Variants in ART4 observed in about 807,000 individuals in gnomAD.
The protein encoded by ART4 is ADP-ribosyltransferase 4 (inactive) (Dombrock blood group), also known as ecto-ADP-ribosyltransferase 4.
Under a neutral mutation model 24.2 loss-of-function variants are expected in ART4, and 14 were observed. The observed-to-expected ratio is 0.58, with a 90% CI of 0.38 to 0.90. The LOEUF is 0.90. Ranked by LOEUF, ART4 falls within the 40% of genes least tolerant of loss-of-function variation. The probability of loss-of-function intolerance (pLI) is 0.00; values close to 1 mark genes in which losing one functional copy is unlikely to be tolerated. For missense variants in ART4, 356 were observed against 366.6 expected (o/e 0.97, Z 0.24); for synonymous variants, 145 against 139.9 (o/e 1.04, Z -0.26).
rs778473903 is a variant in ART4, at chr12:14,840,670, T to C, written c.628A>G (p.Thr210Ala). Residue 210 changes from threonine to alanine, a missense_variant, in exon 2 of 3, where the codon ACA (threonine) becomes GCA (alanine). Thr to Ala is a moderately conservative substitution (Grantham distance 58). Coordinates refer to ENST00000228936, the MANE Select transcript of ART4 (RefSeq NM_021071.4). Reference sequence around the variant, plus strand: ...TGTGCCTCTTCTTTCAGGAGGGATGTGGAGAGGAATTGGCCAAATCGAATG... The same window carrying C: ...TGTGCCTCTTCTTTCAGGAGGGATGCGGAGAGGAATTGGCCAAATCGAATG... ...ATIRFGQFLS[T>A]SLLKEEAQEF... is the part of the protein sequence containing the mutation. The C allele has an allele frequency of 1.1e-5, 17 of 1,613,996 alleles. No homozygotes were observed. The highest frequency in any genetic ancestry group is 1.4e-5 in the Non-Finnish European group (17 of 1,180,012).
At chr12:14,832,758 T>C (rs1008415045) in intron 2 of ART4, among the ~76,000 whole-genome samples, 5 of 152,212 alleles carry the variant, frequency 3.3e-5, no homozygotes, top group Non-Finnish European at 1.5e-5. Context: ...ATAGTCATTC[T>C]TCAAAAAAAT....
At position 14,829,295 on chromosome 12, in the gene ART4, C is replaced by T; in HGVS notation, c.*76G>A. On this transcript the variant is annotated 3_prime_UTR_variant, in exon 3 of 3. Coordinates refer to ENST00000228936, the MANE Select transcript of ART4 (RefSeq NM_021071.4). The stretch of plus-strand genomic sequence containing the variant: ...TCATCCTTCCTGGAAAATAAATGTC[C>T]ATTTCTAGCCAAAAGGCCAATAAAA... 9.8e-7 allele frequency: 1 copy of T among 1,020,428 alleles called. No individual in the cohort carries two copies. The highest frequency in any genetic ancestry group is 1.4e-6 in the Non-Finnish European group (1 of 718,288). The allele number at this position is 1,020,428 out of a possible 1,614,324, so 63.2% of individuals were successfully genotyped here. A position where few individuals can be genotyped will look rare whatever the true frequency, so the allele number is the denominator to read the frequency against.
intron 1 of ART4, 70 bp from the exon 2 acceptor site, chr12:14,841,223 T>G (rs1473513811): frequency 4.9e-5 from 70 of 1,419,124 alleles, no homozygotes; most frequent in Non-Finnish European, 6.3e-5. Flanking sequence ...AGATTTGCTG[T>G]ACTCTATAAG....
At chr12:14,838,899 CTT>C (rs35828014) in intron 2 of ART4, among the ~76,000 whole-genome samples, 2 of 140,546 alleles carry the variant, frequency 1.4e-5, no homozygotes, top group African/African-American at 5.2e-5. Flanking sequence ...TATGAACAGT[CTT>C]TTTTTTTTTT....
intron 2 of ART4, 100 bp downstream of exon 2, chr12:14,840,345 T>C (rs1950458185): frequency 4.0e-6 from 4 of 1,010,294 alleles, no homozygotes; most frequent in Non-Finnish European, 5.7e-6. Context: ...CTAGTTTTCA[T>C]GTTTTTGATC....
chr12:14,826,086 CA>C lies in ART4; in HGVS notation c.*3284del, dbSNP rs892198909. On this transcript the variant is annotated 3_prime_UTR_variant, in exon 3 of 3. Coordinates refer to ENST00000228936, the MANE Select transcript of ART4 (RefSeq NM_021071.4). ...ATCTTTGGAAGATATCCCAGGCTAA[CA>C]AATTTATCCCAGCAGAAATTACAGT... is the stretch of plus-strand genomic sequence containing the variant. The C allele has an allele frequency of 1.3e-5, 2 of 152,192 alleles. No individual in the cohort carries two copies. The highest frequency in any genetic ancestry group is 2.9e-5 in the Non-Finnish European group (2 of 68,024). 9.4% of individuals were successfully genotyped at this position (152,192 alleles called of 1,614,324 possible). A position where few individuals can be genotyped will look rare whatever the true frequency, so the allele number is the denominator to read the frequency against.
At position 14,827,258 on chromosome 12, in the gene ART4, G is replaced by A. The variant is rs374661437; in HGVS notation, c.*2113C>T. On this transcript the variant is annotated 3_prime_UTR_variant, in exon 3 of 3. Coordinates refer to ENST00000228936, the MANE Select transcript of ART4 (RefSeq NM_021071.4). ...ATGTTGGGTGGCTTTTACCAACATAGCATGTCATTACTGACTCATCGATGC... is the reference window on the plus strand; with the variant it reads ...ATGTTGGGTGGCTTTTACCAACATAACATGTCATTACTGACTCATCGATGC... The A allele has an allele frequency of 2.0e-5, 3 of 152,162 alleles. No individual in the cohort carries two copies. Among genetic ancestry groups the A allele is most frequent in the African/African-American group, 7.2e-5 (3 of 41,428 alleles). The allele number at this position is 152,162 out of a possible 1,614,324, so 9.4% of individuals were successfully genotyped here. A position where few individuals can be genotyped will look rare whatever the true frequency, so the allele number is the denominator to read the frequency against.
chr12:14,836,421 CTG>C (rs550804406), intron 2 of ART4, among the ~76,000 whole-genome samples: 255 of 152,170 alleles, frequency 1.7e-3, no homozygotes, highest in Non-Finnish European at 3.2e-3. Flanking sequence ...ACAGTGTAGA[CTG>C]TGGATGATTC....
rs1376844583 is a variant in ART4 at position 14,840,700 on chromosome 12, C to A, written c.598G>T (p.Ala200Ser). 2 of 1,613,982 alleles carry A rather than the reference C, an allele frequency of 1.2e-6. No homozygotes were observed. Among genetic ancestry groups the A allele is most frequent in the Admixed American group, 1.7e-5 (1 of 59,986 alleles). ...KDVHFNAYTGATIRFGQFLST... is the reference protein window; with the variant it reads ...KDVHFNAYTGSTIRFGQFLST... ...AGGAATTGGCCAAATCGAATGGTGGCCCCTGTGTAGGCATTAAAGTGGACA... is the reference window on the plus strand; with the variant it reads ...AGGAATTGGCCAAATCGAATGGTGGACCCTGTGTAGGCATTAAAGTGGACA... Residue 200 changes from alanine to serine, a missense_variant, in exon 2 of 3, where the codon GCC becomes TCC. Transcript: ENST00000228936.
intron 2 of ART4, among the ~76,000 whole-genome samples, chr12:14,830,698 T>TATATATATAC (rs1950391472): frequency 1.0e-5 from 1 of 98,734 alleles, no homozygotes; most frequent in African/African-American, 3.7e-5. Flanking sequence ...TATATATATA[T>TATATATATAC]ACAGTAATTT....
In ART4 at chr12:14,829,345, T is replaced by C; in HGVS notation, c.*26A>G. 1 of 1,427,216 alleles carries C rather than the reference T, an allele frequency of 7.0e-7. No individual in the cohort carries two copies. The highest frequency in any genetic ancestry group is 9.4e-7 in the Non-Finnish European group (1 of 1,061,824). The allele number at this position is 1,427,216 out of a possible 1,614,324, so 88.4% of individuals were successfully genotyped here. A position where few individuals can be genotyped will look rare whatever the true frequency, so the allele number is the denominator to read the frequency against. ...AAAGATTTTATTTAAATATTTTTTTTAAATAAAAGGAGCCACAAGATTTCT... is the reference window on the plus strand; with the variant it reads ...AAAGATTTTATTTAAATATTTTTTTCAAATAAAAGGAGCCACAAGATTTCT... On this transcript the variant is annotated 3_prime_UTR_variant, in exon 3 of 3. Transcript: ENST00000228936.
chr12:14,830,682 T>TAC (rs1317158794), intron 2 of ART4, among the ~76,000 whole-genome samples: 1 of 118,404 alleles, frequency 8.4e-6, no homozygotes, highest in Non-Finnish European at 1.8e-5. Flanking sequence ...TATATATATA[T>TAC]ATATATATAT....
In ART4 at chr12:14,831,271, A is replaced by ATTT. The variant is rs35715515; in HGVS notation, c.854-1812_854-1810dup. Among the ~76,000 whole-genome samples the ATTT allele has an allele frequency of 6.5e-4, 87 of 133,434 alleles. 2 individuals are homozygous for ATTT. Among genetic ancestry groups the ATTT allele is most frequent in the East Asian group, 1.3e-3 (6 of 4,610 alleles). The allele number at this position is 133,434 out of a possible 152,430, so 87.5% of individuals were successfully genotyped here. ...CTCCCTCACTGGCCATTCCTTCTCC[A>ATTT]TTTTTTTTTTTTTTTTTGAGATGGG... On this transcript the variant is annotated intron_variant, in intron 2 of 2. Coordinates refer to ENST00000228936, the MANE Select transcript of ART4 (RefSeq NM_021071.4).
Position 14,829,413 on chromosome 12 carries a change from G to A in ART4, c.903C>T (p.Ser301=). 6.2e-7 allele frequency: 1 copy of A among 1,609,034 alleles called. No homozygotes were observed. ...IPDPIAIASL[S]FLTSVIIFSK... ...AAAAGATGATGACACTGGTCAAAAA[G>A]GAGAGAGATGCAATAGCTATAGGAT... Residue 301 remains serine, a synonymous_variant, in exon 3 of 3, where the codon TCC becomes TCT. Coordinates refer to ENST00000228936, the MANE Select transcript of ART4 (RefSeq NM_021071.4).
At chr12:14,835,668 C>T (rs1013241763) in intron 2 of ART4, among the ~76,000 whole-genome samples, 9 of 151,468 alleles carry the variant, frequency 5.9e-5, no homozygotes, top group East Asian at 1.9e-4. Context: ...TGCAGTGGCG[C>T]GATCTTGGCT....
At chr12:14,835,519 T>G (rs1950423978) in intron 2 of ART4, among the ~76,000 whole-genome samples, 1 of 152,174 alleles carries the variant, frequency 6.6e-6, no homozygotes, top group African/African-American at 2.4e-5. Context: ...TGATGTTCCT[T>G]CGCTTACTGA....
chr12:14,830,653 A>ATG (rs1565427893), intron 2 of ART4, among the ~76,000 whole-genome samples: 58 of 16,788 alleles, frequency 3.5e-3, no homozygotes, highest in African/African-American at 0.014. Context: ...ATGTATGTAT[A>ATG]TATATATATA....
chr12:14,843,209 C>T lies in ART4; in HGVS notation c.-96G>A, dbSNP rs370612682. 5.0e-5 allele frequency: 75 copies of T among 1,511,606 alleles called. No homozygotes were observed. In the African/African-American group the frequency reaches 7.5e-4, roughly 15 times the overall value. 93.6% of individuals were successfully genotyped at this position (1,511,606 alleles called of 1,614,324 possible). ...TTTGAGGTTTTCTTTCAGTCTCATC[C>T]GTAACCGTTTTTTCCCCTGTCTATG... On this transcript the variant is annotated 5_prime_UTR_variant, in exon 1 of 3. Coordinates refer to ENST00000228936, the MANE Select transcript of ART4 (RefSeq NM_021071.4).
rs1950360869 is a variant in ART4 at position 14,826,499 on chromosome 12, A to C, written c.*2872T>G. ...CTGTAGTCTGGGATCAGGCCCTAAA[A>C]TTCACATTTCTAATGAGTTCTTAAA... On this transcript the variant is annotated 3_prime_UTR_variant, in exon 3 of 3. Coordinates refer to ENST00000228936, the MANE Select transcript of ART4 (RefSeq NM_021071.4). 6.6e-6 allele frequency: 1 copy of C among 152,200 alleles called. No homozygotes were observed. The highest frequency in any genetic ancestry group is 6.5e-5 in the Admixed American group (1 of 15,278). 9.4% of individuals were successfully genotyped at this position (152,200 alleles called of 1,614,324 possible).
Sources: gnomAD v4.1 joint callset for allele counts (sites outside exome capture counted in the v4.1 genomes callset) on GRCh38, gnomAD v4.1.1 for gene constraint, MANE v1.5 for transcripts, NCBI Gene and HGNC (gene_info 2026-07-23, HGNC 2026-07-21) for gene names.